Variants in ANKS1B observed in about 807,000 individuals in gnomAD.
The protein encoded by ANKS1B is ankyrin repeat and sterile alpha motif domain containing 1B.
A neutral mutation model predicts 148.3 loss-of-function variants in ANKS1B; 36 were observed. That is an observed-to-expected ratio of 0.24 (90% CI 0.19 to 0.32). ANKS1B has a LOEUF of 0.32. Ranked by LOEUF, ANKS1B falls within the 10% of genes least tolerant of loss-of-function variation. ANKS1B has a pLI of 1.00. For missense variants in ANKS1B, 1,157 were observed against 1,542.6 expected, an observed-to-expected ratio of 0.75 and a Z score of 4.19; for synonymous variants, 542 against 560.8, an observed-to-expected ratio of 0.97 and a Z score of 0.47.
chr12:99,833,907 A>G (rs1565822693), intron 1 of ANKS1B, among the ~76,000 whole-genome samples: 1 of 152,154 alleles, frequency 6.6e-6, no homozygotes, highest in Non-Finnish European at 1.5e-5. Flanking sequence ...AGCAAAATGG[A>G]TATGGATACA....
At chr12:98,788,949 T>C (rs1270121910) in intron 22 of ANKS1B, among the ~76,000 whole-genome samples, 1 of 152,226 alleles carries the variant, frequency 6.6e-6, no homozygotes, top group Admixed American at 6.5e-5. Context: ...ACAAGAATTA[T>C]TTAATTCTTC....
chr12:99,780,023 A>G, intron 5 of ANKS1B, 51 bp from the exon 6 acceptor site: 13 of 1,205,038 alleles, frequency 1.1e-5, no homozygotes, highest in South Asian at 3.8e-5. Flanking sequence ...AGTATCCTCA[A>G]AAGATACTAT....
chr12:98,815,025 A>G (rs1237304787), intron 19 of ANKS1B, among the ~76,000 whole-genome samples: 1 of 152,224 alleles, frequency 6.6e-6, no homozygotes, highest in African/African-American at 2.4e-5. Context: ...TAATCACAAA[A>G]TAAAAAGAAT....
chr12:99,146,431 A>G (rs146641533), intron 15 of ANKS1B, among the ~76,000 whole-genome samples: 1 of 152,274 alleles, frequency 6.6e-6, no homozygotes, highest in East Asian at 1.9e-4. Context: ...TTCATGAACA[A>G]TGATACGCAA....
At chr12:98,900,875 C>T (rs907718314) in intron 17 of ANKS1B, among the ~76,000 whole-genome samples, 6 of 152,118 alleles carry the variant, frequency 3.9e-5, no homozygotes, top group Admixed American at 3.3e-4. Context: ...TCTTGTGGAA[C>T]TCTCTCTGGG....
At chr12:98,856,991 G>A (rs558495044) in intron 17 of ANKS1B, among the ~76,000 whole-genome samples, 6 of 152,222 alleles carry the variant, frequency 3.9e-5, no homozygotes, top group Non-Finnish European at 8.8e-5. Context: ...AACTATGTGA[G>A]CAAGCCATAC....
chr12:99,133,552 C>T (rs2066886251), intron 15 of ANKS1B, among the ~76,000 whole-genome samples: 1 of 152,160 alleles, frequency 6.6e-6, no homozygotes, highest in Admixed American at 6.5e-5. Context: ...CATTTCTTTT[C>T]TCTCTCTTCA....
intron 8 of ANKS1B, among the ~76,000 whole-genome samples, chr12:99,679,684 A>T (rs1490039930): frequency 6.6e-6 from 1 of 152,242 alleles, no homozygotes; most frequent in African/African-American, 2.4e-5. Context: ...CAAATAAAAA[A>T]GAACCAAATT....
At chr12:99,357,869 C>A (rs921355585) in intron 12 of ANKS1B, among the ~76,000 whole-genome samples, 1 of 152,006 alleles carries the variant, frequency 6.6e-6, no homozygotes, top group Admixed American at 6.6e-5. Flanking sequence ...CCCTTCTTAG[C>A]CTGCTCTTAG....
Position 99,745,119 on chromosome 12 carries a change from A to G in ANKS1B, c.1128+27803T>C, listed in dbSNP as rs955280834. Among the ~76,000 whole-genome samples the G allele has an allele frequency of 4.6e-5, 7 of 152,262 alleles. No homozygotes were observed. In the East Asian group the frequency reaches 1.4e-3, roughly 29 times the overall value. On this transcript the variant is annotated intron_variant, in intron 8 of 26. Coordinates refer to ENST00000683438, the MANE Select transcript of ANKS1B (RefSeq NM_001352186.2). Reference sequence around the variant, plus strand: ...AAAGACTCAGGATGTTCAAAGTCTTAAATTTGTTTTAAAAACCTTCAAAGT... The same window carrying G: ...AAAGACTCAGGATGTTCAAAGTCTTGAATTTGTTTTAAAAACCTTCAAAGT...
chr12:99,344,151 C>A (rs1249795160), intron 12 of ANKS1B, among the ~76,000 whole-genome samples: 1 of 151,972 alleles, frequency 6.6e-6, no homozygotes, highest in Non-Finnish European at 1.5e-5. Flanking sequence ...GATTACCCAC[C>A]ATTCCCCTGC....
chr12:99,258,132 A>G (rs542492457), intron 12 of ANKS1B, among the ~76,000 whole-genome samples: 1 of 152,350 alleles, frequency 6.6e-6, no homozygotes, highest in African/African-American at 2.4e-5. Context: ...TAGGAATCAA[A>G]AGTTTTTAAC....
At chr12:98,825,330 T>C (rs964577363) in intron 19 of ANKS1B, among the ~76,000 whole-genome samples, 1 of 152,232 alleles carries the variant, frequency 6.6e-6, no homozygotes, top group East Asian at 1.9e-4. Flanking sequence ...GTAATTGACC[T>C]AGTTGTACTT....
chr12:99,723,366 C>A (rs1207630971), intron 8 of ANKS1B, among the ~76,000 whole-genome samples: 1 of 152,116 alleles, frequency 6.6e-6, no homozygotes, highest in South Asian at 2.1e-4. Context: ...CACAACACAC[C>A]GGCTGTGGCA....
Position 99,070,871 on chromosome 12 carries a change from C to T in ANKS1B, c.2625+14054G>A, listed in dbSNP as rs138629386. ...GGAGAGACAGGGTCTCACTATGTTG[C>T]CCAGCCTTGTCTTGAAGTCCTTCCC... is the stretch of plus-strand genomic sequence containing the variant. On this transcript the variant is annotated intron_variant, in intron 16 of 26. Coordinates refer to ENST00000683438, the MANE Select transcript of ANKS1B (RefSeq NM_001352186.2). 7.2e-4 allele frequency among the ~76,000 whole-genome samples: 109 copies of T among 152,212 alleles called. No individual in the cohort carries two copies. The Middle Eastern group carries it at 0.01, about 14-fold the overall frequency.
chr12:99,531,324 T>A (rs1472015978), intron 9 of ANKS1B, among the ~76,000 whole-genome samples: 2 of 152,212 alleles, frequency 1.3e-5, no homozygotes, highest in African/African-American at 4.8e-5. Flanking sequence ...GGAATACAAG[T>A]GTTTTTTGGT....
At chr12:99,456,737 T>A (rs1051911357) in intron 10 of ANKS1B, among the ~76,000 whole-genome samples, 13 of 152,140 alleles carry the variant, frequency 8.5e-5, no homozygotes, top group South Asian at 8.3e-4. Flanking sequence ...ATTTTTTTTT[T>A]AAAATGAACA....
At chr12:99,713,291 A>T (rs2056876368) in intron 8 of ANKS1B, among the ~76,000 whole-genome samples, 1 of 152,212 alleles carries the variant, frequency 6.6e-6, no homozygotes, top group Non-Finnish European at 1.5e-5. Flanking sequence ...CTGCTCAGCC[A>T]AACCTTTGGC....
intron 1 of ANKS1B, among the ~76,000 whole-genome samples, chr12:99,979,952 C>A (rs542178355): frequency 1.3e-5 from 2 of 151,912 alleles, no homozygotes; most frequent in East Asian, 3.9e-4. Context: ...ATGCTTATTA[C>A]ATCTCTGGAT....
Sources: allele counts gnomAD v4.1 joint callset (sites outside exome capture counted in the v4.1 genomes callset), GRCh38; gene constraint gnomAD v4.1.1; transcripts MANE v1.5; gene names NCBI Gene and HGNC (gene_info 2026-07-23, HGNC 2026-07-21).